LRCH1: variants seen among roughly 807,000 people sequenced by gnomAD.
The protein encoded by LRCH1 is leucine rich repeats and calponin homology domain containing 1, also known as leucine-rich repeat and calponin homology domain-containing protein 1.
A neutral mutation model predicts 94.9 loss-of-function variants in LRCH1; 23 were observed. That is an observed-to-expected ratio of 0.24 (90% CI 0.17 to 0.34). The LOEUF (loss-of-function observed/expected upper bound fraction) is 0.34, where lower values mean the gene tolerates loss of function less well. Ranked by LOEUF, LRCH1 falls within the 10% of genes least tolerant of loss-of-function variation. The pLI, the probability that LRCH1 is intolerant of heterozygous loss-of-function variation, is 1.00. For missense variants in LRCH1, 790 were observed against 945.9 expected, an observed-to-expected ratio of 0.84 and a Z score of 2.16; for synonymous variants, 364 against 354.9, an observed-to-expected ratio of 1.03 and a Z score of -0.29.
intron 1 of LRCH1, among the ~76,000 whole-genome samples, chr13:46,632,407 G>A (rs1566188692): frequency 6.6e-6 from 1 of 152,164 alleles, no homozygotes; most frequent in Non-Finnish European, 1.5e-5. Context: ...ATTGCCGGTT[G>A]AATCACAGTG....
chr13:46,594,201 A>G (rs951122554), intron 1 of LRCH1, among the ~76,000 whole-genome samples: 6 of 151,108 alleles, frequency 4.0e-5, no homozygotes, highest in Non-Finnish European at 8.8e-5. Flanking sequence ...TTTCTTACCC[A>G]TGTTCTTACT....
In LRCH1 at chr13:46,692,601, C is replaced by A. The variant is rs138690665; in HGVS notation, c.1080C>A (p.Ile360=). ...CAAACATCATGGAAGAAGAACAGAT[C>A]ATCAAGGAGGACTCGTGCCATCGCC... The part of the protein sequence containing the change: ...PMSNIMEEEQ[I]IKEDSCHRLS... The change falls in exon 8 of 20, where the codon ATC becomes ATA. Residue 360 remains isoleucine (I), a synonymous_variant. Transcript: ENST00000389797. 38 of 1,614,060 alleles carry A rather than the reference C, an allele frequency of 2.4e-5. No homozygotes were observed. The African/African-American group carries it at 3.6e-4, about 15-fold the overall frequency.
intron 4 of LRCH1, among the ~76,000 whole-genome samples, chr13:46,682,547 C>T (rs764156378): frequency 1.6e-4 from 24 of 152,244 alleles, no homozygotes; most frequent in African/African-American, 4.3e-4. Context: ...CGTGAAATTT[C>T]GGGGACATAC....
At chr13:46,616,142 G>A (rs2050805525) in intron 1 of LRCH1, among the ~76,000 whole-genome samples, 1 of 152,132 alleles carries the variant, frequency 6.6e-6, no homozygotes, top group South Asian at 2.1e-4. Context: ...TTTAAGTTTC[G>A]CAGATAAGAA....
intron 13 of LRCH1, among the ~76,000 whole-genome samples, chr13:46,708,170 T>C (rs747910015): frequency 6.6e-6 from 1 of 152,068 alleles, no homozygotes; most frequent in Non-Finnish European, 1.5e-5. Context: ...GCATGAACAA[T>C]GCTTCCAGTA....
chr13:46,608,414 A>G (rs1412162998), intron 1 of LRCH1, among the ~76,000 whole-genome samples: 1 of 152,128 alleles, frequency 6.6e-6, no homozygotes, highest in African/African-American at 2.4e-5. Flanking sequence ...TTGTATTTCC[A>G]CTCAGTGTGA....
intron 1 of LRCH1, among the ~76,000 whole-genome samples, chr13:46,634,370 T>A (rs2051057275): frequency 6.6e-6 from 1 of 152,226 alleles, no homozygotes; most frequent in South Asian, 2.1e-4. Context: ...TTTCGGGCCT[T>A]CCTCATTTCT....
chr13:46,644,734 G>C (rs761116666), intron 1 of LRCH1, among the ~76,000 whole-genome samples: 1 of 152,210 alleles, frequency 6.6e-6, no homozygotes, highest in Non-Finnish European at 1.5e-5. Flanking sequence ...TGGTCTGCCT[G>C]TTTGTCCCCC....
chr13:46,571,996 G>A (rs149169372), intron 1 of LRCH1, among the ~76,000 whole-genome samples: 8 of 152,214 alleles, frequency 5.3e-5, no homozygotes, highest in Admixed American at 2.0e-4. Context: ...TTTTGGAGAG[G>A]AGGGGGTCTT....
At chr13:46,688,693 A>C (rs923699818) in intron 6 of LRCH1, among the ~76,000 whole-genome samples, 2 of 152,218 alleles carry the variant, frequency 1.3e-5, no homozygotes, top group African/African-American at 4.8e-5. Flanking sequence ...AAATATGTAC[A>C]CTGTTTTATG....
intron 16 of LRCH1, among the ~76,000 whole-genome samples, chr13:46,719,162 A>G (rs1469657336): frequency 1.0e-5 from 1 of 98,488 alleles, no homozygotes; most frequent in Admixed American, 1.1e-4. Flanking sequence ...AGTCTAATGC[A>G]TTCACACCTA....
At chr13:46,700,976 C>G (rs757237828) in intron 10 of LRCH1, 145 bp from the exon 11 acceptor site, 2 of 616,598 alleles carry the variant, frequency 3.2e-6, no homozygotes, top group Non-Finnish European at 5.8e-6. Context: ...CCACAAGGTA[C>G]AAACACATTT....
At chr13:46,738,204 A>G (rs1035440860) in intron 19 of LRCH1, among the ~76,000 whole-genome samples, 4 of 152,206 alleles carry the variant, frequency 2.6e-5, no homozygotes, top group Admixed American at 2.0e-4. Context: ...CTTCCTGCCT[A>G]TCTGGGCAGC....
chr13:46,604,270 G>T (rs1307463201), intron 1 of LRCH1, among the ~76,000 whole-genome samples: 2 of 152,180 alleles, frequency 1.3e-5, no homozygotes, highest in South Asian at 4.1e-4. Flanking sequence ...ACCCTAACTG[G>T]GGTGGGGATG....
chr13:46,662,610 G>GA (rs2051463679), intron 2 of LRCH1, among the ~76,000 whole-genome samples: 1 of 152,280 alleles, frequency 6.6e-6, no homozygotes, highest in South Asian at 2.1e-4. Context: ...AGAAAGGAGA[G>GA]AAAATAATTA....
intron 6 of LRCH1, among the ~76,000 whole-genome samples, chr13:46,688,422 A>G (rs935278272): frequency 3.3e-5 from 5 of 152,236 alleles, no homozygotes; most frequent in Non-Finnish European, 5.9e-5. Flanking sequence ...TTGGTCTTTT[A>G]AAAATGCAGT....
chr13:46,567,285 A>G (rs1264348506), intron 1 of LRCH1, among the ~76,000 whole-genome samples: 1 of 152,192 alleles, frequency 6.6e-6, no homozygotes, highest in East Asian at 1.9e-4. Flanking sequence ...TTTGTAATAG[A>G]GATCTTTCTA....
At chr13:46,612,429 AG>A (rs2138005264) in intron 1 of LRCH1, among the ~76,000 whole-genome samples, 1 of 152,346 alleles carries the variant, frequency 6.6e-6, no homozygotes, top group Non-Finnish European at 1.5e-5. Context: ...ATAAGCAAGA[AG>A]TAACTTGACA....
At chr13:46,723,009 A>G (rs1197680588) in intron 16 of LRCH1, among the ~76,000 whole-genome samples, 1 of 152,242 alleles carries the variant, frequency 6.6e-6, no homozygotes, top group Non-Finnish European at 1.5e-5. Flanking sequence ...TGAAAAATAC[A>G]GCTTGTTAGT....
Sources: allele counts gnomAD v4.1 joint callset (sites outside exome capture counted in the v4.1 genomes callset), GRCh38; gene constraint gnomAD v4.1.1; transcripts MANE v1.5; gene names NCBI Gene and HGNC (gene_info 2026-07-23, HGNC 2026-07-21).